The following IDO1 variants were observed in gnomAD, a reference collection of about 807,000 sequenced individuals.
The protein encoded by IDO1 is indoleamine 2,3-dioxygenase 1.
A neutral mutation model predicts 38.8 loss-of-function variants in IDO1; 35 were observed. The ratio of observed to expected loss-of-function variants is 0.90; its 90% CI spans 0.69 to 1.20. The LOEUF (loss-of-function observed/expected upper bound fraction) is 1.20. Among genes scored for constraint, IDO1 ranks in the 50% most tolerant of loss-of-function variants. The pLI is 0.00. For synonymous variants in IDO1, 171 were observed against 170.0 expected (o/e 1.01, Z -0.05); for missense variants, 509 against 485.1 (o/e 1.05, Z -0.46).
At chr8:39,919,006 G>A in intron 4 of IDO1, 73 bp downstream of exon 4, 1 of 935,676 alleles carries the variant, frequency 1.1e-6, no homozygotes, top group Non-Finnish European at 1.8e-6. Flanking sequence ...TTGTTCATTG[G>A]CTTAATTTTG....
chr8:39,922,921 T>C, intron 6 of IDO1: 1 of 422,130 alleles, frequency 2.4e-6, no homozygotes, highest in Non-Finnish European at 4.2e-6. Flanking sequence ...TGATACAGTG[T>C]CATAAATTCA....
intron 1 of IDO1, 45 bp from the exon 2 acceptor site, chr8:39,917,830 A>G (rs1018816448): frequency 1.0e-5 from 14 of 1,343,140 alleles, no homozygotes; most frequent in Admixed American, 1.8e-5. Context: ...AGCCAAATCT[A>G]CAATAACTGC....
chr8:39,927,973 G>A lies in IDO1; in HGVS notation c.1000G>A (p.Ala334Thr), dbSNP rs749974684. ...GDAGLREAYD[A>T]CVKALVSLRS... ...TGCTGGCCTGCGGGAAGCTTATGAC[G>A]CCTGTGTGAAAGCTCTGGTCTCCCT... Residue 334 changes from alanine (A) to threonine (T), a missense_variant, in exon 10 of 10, where the codon GCC becomes ACC. By Grantham distance (58) the Ala-to-Thr change is moderately conservative (BLOSUM62 0). Coordinates refer to ENST00000518237, the MANE Select transcript of IDO1 (RefSeq NM_002164.6). 1.9e-5 allele frequency: 31 copies of A among 1,604,612 alleles called. No homozygotes were observed. The highest frequency in any genetic ancestry group is 1.6e-4 in the Middle Eastern group (1 of 6,080).
Position 39,918,922 on chromosome 8 carries a change from G to C in IDO1, c.411G>C (p.Lys137Asn). The change falls in exon 4 of 10, where the codon AAG becomes AAC. Residue 137 changes from lysine (K) to asparagine (N), a missense_variant. Coordinates refer to ENST00000518237, the MANE Select transcript of IDO1 (RefSeq NM_002164.6). ...GTGTCTTGGCAAACTGGAAGAAAAA[G>C]GATCCTAATAAGTATGTAAACAGTG... is the stretch of plus-strand genomic sequence containing the variant. ...ADCVLANWKK[K>N]DPNKPLTYEN... The C allele has an allele frequency of 2.5e-6, 4 of 1,569,058 alleles. No homozygotes were observed. In the African/African-American group the frequency reaches 4.1e-5, roughly 16 times the overall value.
chr8:39,927,752 C>T (rs918139444), intron 9 of IDO1, 78 bp from the exon 10 acceptor site: 19 of 852,898 alleles, frequency 2.2e-5, no homozygotes, highest in Non-Finnish European at 3.4e-5. Context: ...CCTGCCCACT[C>T]TGACCTCACT....
Position 39,927,421 on chromosome 8 carries a change from A to T in IDO1, c.857-409A>T, listed in dbSNP as rs369632315. ...ACTAAAAATACAAAATTAGCCGGGCATGGTGGCGCATGCCTGAAATCCCAG... is the reference window on the plus strand; with the variant it reads ...ACTAAAAATACAAAATTAGCCGGGCTTGGTGGCGCATGCCTGAAATCCCAG... On this transcript the variant is annotated intron_variant, in intron 9 of 9. Transcript: ENST00000518237. 2.4e-4 allele frequency among the ~76,000 whole-genome samples: 36 copies of T among 152,048 alleles called. No individual in the cohort carries two copies. The East Asian group carries it at 3.7e-3, about 16-fold the overall frequency.
At chr8:39,925,661 A>G (rs970516295) in intron 9 of IDO1, among the ~76,000 whole-genome samples, 5 of 152,080 alleles carry the variant, frequency 3.3e-5, no homozygotes, top group African/African-American at 4.8e-5. Flanking sequence ...AGGCAGGTGG[A>G]TCACCTGAGG....
At chr8:39,918,746 C>CAAAAAAAAAAA (rs1214540367) in intron 3 of IDO1, 69 bp from the exon 4 acceptor site, 20 of 294,928 alleles carry the variant, frequency 6.8e-5, no homozygotes, top group African/African-American at 2.7e-4. Flanking sequence ...GACTCCATCT[C>CAAAAAAAAAAA]AAAAAAAAAA....
chr8:39,923,712 T>G (rs1173490496), intron 7 of IDO1, 126 bp downstream of exon 7: 1 of 561,462 alleles, frequency 1.8e-6, no homozygotes, highest in Non-Finnish European at 3.2e-6. Flanking sequence ...GTATTTTATC[T>G]TACTAAACCA....
chr8:39,921,443 A>AC (rs1463171726), intron 5 of IDO1, among the ~76,000 whole-genome samples: 1 of 152,248 alleles, frequency 6.6e-6, no homozygotes. Flanking sequence ...ACAGAGTAAG[A>AC]CCCCATCTCA....
In IDO1 at chr8:39,917,938, G is replaced by C; in HGVS notation, c.151G>C (p.Glu51Gln). ...TGCTAAACATCTGCCTGATCTCATA[G>C]AGTCTGGCCAGCTTCGAGAAAGAGT... ...FIAKHLPDLI[E>Q]SGQLRERVEK... is the part of the protein sequence containing the mutation. Residue 51 changes from glutamate to glutamine, a missense_variant, in exon 2 of 10, where the codon GAG (glutamate) becomes CAG (glutamine). Physicochemically the swap from Glu to Gln is conservative, Grantham distance 29 (BLOSUM62 2). Coordinates refer to ENST00000518237, the MANE Select transcript of IDO1 (RefSeq NM_002164.6). 1 of 1,612,680 alleles carries C rather than the reference G, an allele frequency of 6.2e-7. No individual in the cohort carries two copies. The highest frequency in any genetic ancestry group is 1.7e-5 in the Admixed American group (1 of 59,948).
intron 4 of IDO1, 115 bp from the exon 5 acceptor site, chr8:39,919,985 C>T (rs537910683): frequency 4.0e-5 from 36 of 899,884 alleles, no homozygotes; most frequent in Middle Eastern, 2.2e-4. Context: ...TTACCTATGT[C>T]TTACCTCTGA....
At chr8:39,918,299 A>G in intron 3 of IDO1, 92 bp downstream of exon 3, 1 of 1,324,326 alleles carries the variant, frequency 7.6e-7, no homozygotes, top group South Asian at 1.4e-5. Flanking sequence ...AAGCATTATA[A>G]CTGCATCATG....
chr8:39,925,232 C>T lies in IDO1; in HGVS notation c.717C>T (p.Gly239=), dbSNP rs1393139915. ...TTCTTTCCTCTGATAGCTGGAAAGGCAACCCCCAGCTATCAGACGGTCTGG... is the reference window on the plus strand; with the variant it reads ...TTCTTTCCTCTGATAGCTGGAAAGGTAACCCCCAGCTATCAGACGGTCTGG... ...VLRIYLSGWK[G]NPQLSDGLVY... is the part of the protein sequence containing the mutation. Residue 239 remains glycine, a synonymous_variant, in exon 9 of 10, where the codon GGC becomes GGT. Transcript: ENST00000518237. 6.3e-7 allele frequency: 1 copy of T among 1,583,178 alleles called. No individual in the cohort carries two copies. Among genetic ancestry groups the T allele is most frequent in the East Asian group, 2.2e-5 (1 of 44,556 alleles).
At chr8:39,920,019 A>G in intron 4 of IDO1, 81 bp from the exon 5 acceptor site, 1 of 1,221,688 alleles carries the variant, frequency 8.2e-7, no homozygotes, top group Non-Finnish European at 1.2e-6. Flanking sequence ...TCAAATAGCA[A>G]CAACTCATCA....
intron 1 of IDO1, among the ~76,000 whole-genome samples, chr8:39,916,507 A>G (rs1807177576): frequency 6.6e-6 from 1 of 152,184 alleles, no homozygotes. Flanking sequence ...CAATTCTGCT[A>G]GCTGAGATGC....
intron 1 of IDO1, among the ~76,000 whole-genome samples, chr8:39,915,378 G>A (rs1343283429): frequency 1.3e-5 from 2 of 152,128 alleles, no homozygotes; most frequent in Non-Finnish European, 2.9e-5. Context: ...AACAGTTACA[G>A]TCCACATACT....
chr8:39,926,020 T>C (rs1371659901), intron 9 of IDO1, among the ~76,000 whole-genome samples: 1 of 150,924 alleles, frequency 6.6e-6, no homozygotes, highest in Non-Finnish European at 1.5e-5. Flanking sequence ...ACCCTGTCTC[T>C]ACTAAAAATA....
At chr8:39,918,533 G>C (rs1453673588) in intron 3 of IDO1, 1 of 461,434 alleles carries the variant, frequency 2.2e-6, no homozygotes, top group Non-Finnish European at 3.9e-6. Context: ...ATCACCTGAG[G>C]TCAGGAGTTC....
Sources: gnomAD v4.1 joint callset for allele counts (sites outside exome capture counted in the v4.1 genomes callset) on GRCh38, gnomAD v4.1.1 for gene constraint, MANE v1.5 for transcripts, NCBI Gene and HGNC (gene_info 2026-07-23, HGNC 2026-07-21) for gene names.